The following CRHR2 variants were observed in gnomAD, a reference collection of about 807,000 sequenced individuals.
CRHR2 encodes the protein corticotropin-releasing hormone receptor 2.
A neutral mutation model predicts 57.9 loss-of-function variants in CRHR2; 53 were observed. That is an observed-to-expected ratio of 0.92 (90% CI 0.73 to 1.15). The LOEUF is 1.15. CRHR2 is among the 50% of genes most tolerant of loss of function. CRHR2 has a pLI of 0.00. For synonymous variants in CRHR2, 213 were observed against 220.9 expected (o/e 0.96, Z 0.32); for missense variants, 532 against 542.6 (o/e 0.98, Z 0.19).
intron 6 of CRHR2, among the ~76,000 whole-genome samples, chr7:30,662,464 C>A (rs1784042481): frequency 6.6e-6 from 1 of 152,308 alleles, no homozygotes; most frequent in East Asian, 1.9e-4. Flanking sequence ...GAGACAAAGG[C>A]CTTTGGACAG....
chr7:30,689,384 T>C, intron 1 of CRHR2: 5 of 960,716 alleles, frequency 5.2e-6, no homozygotes, highest in Admixed American at 2.0e-5. Context: ...CCCTTACTCC[T>C]CTTAGTACAG....
Position 30,665,488 on chromosome 7 carries a change from G to A in CRHR2, c.425+42C>T, listed in dbSNP as rs555338735. ...GGGAGAGGTGAAGGGGGTGCTGTAG[G>A]GGGAGGGATGAGGAGAAAGCAAGGC... is the stretch of plus-strand genomic sequence containing the variant. On this transcript the variant is annotated intron_variant, in intron 4 of 11. Coordinates refer to ENST00000471646, the MANE Select transcript of CRHR2 (RefSeq NM_001883.5). The surrounding 1 kb of genome is among the most constrained non-coding windows in gnomAD (Gnocchi z 4.5). The A allele has an allele frequency of 6.8e-7, 1 of 1,462,372 alleles. No individual in the cohort carries two copies. Among genetic ancestry groups the A allele is most frequent in the East Asian group, 2.5e-5 (1 of 40,460 alleles). 90.6% of individuals were successfully genotyped at this position (1,462,372 alleles called of 1,614,324 possible).
chr7:30,691,110 C>T (rs1784953884), intron 1 of CRHR2, among the ~76,000 whole-genome samples: 1 of 152,178 alleles, frequency 6.6e-6, no homozygotes, highest in South Asian at 2.1e-4. Flanking sequence ...GGGGAGGGAA[C>T]ACTCCAGACA....
chr7:30,697,007 T>TAG (rs1785069516), intron 1 of CRHR2, among the ~76,000 whole-genome samples: 1 of 152,156 alleles, frequency 6.6e-6, no homozygotes, highest in African/African-American at 2.4e-5. Flanking sequence ...CTAGTGAGGC[T>TAG]AGAAAACGCT....
chr7:30,682,628 C>T (rs1332391247), upstream of CRHR2: 9 of 551,304 alleles, frequency 1.6e-5, no homozygotes, highest in Non-Finnish European at 2.2e-5. Flanking sequence ...CAGTTCGCAG[C>T]TCTCTTCCAC....
chr7:30,660,775 G>T, intron 7 of CRHR2, 130 bp from the exon 8 acceptor site: 1 of 864,504 alleles, frequency 1.2e-6, no homozygotes, highest in Non-Finnish European at 1.8e-6. Flanking sequence ...TTCCCAGAAA[G>T]CCTTGGTGGA....
intron 1 of CRHR2, among the ~76,000 whole-genome samples, chr7:30,696,178 CA>C (rs58598488): frequency 2.7e-5 from 4 of 148,538 alleles, no homozygotes; most frequent in Admixed American, 6.7e-5. Context: ...TAACAGGTAC[CA>C]AAAAAAAATA....
intron 7 of CRHR2, among the ~76,000 whole-genome samples, chr7:30,661,682 A>C (rs1407508075): frequency 6.6e-6 from 1 of 152,080 alleles, no homozygotes; most frequent in African/African-American, 2.4e-5. Flanking sequence ...GTGGCTCAGC[A>C]TATTACAGCC....
intron 2 of CRHR2, among the ~76,000 whole-genome samples, chr7:30,677,668 C>T (rs1374162758): frequency 6.6e-6 from 1 of 152,192 alleles, no homozygotes; most frequent in Non-Finnish European, 1.5e-5. Flanking sequence ...TGGGGCTCCA[C>T]ATATTCCCCC....
At chr7:30,687,675 TGGA>T (rs1320805976) in intron 2 of CRHR2, among the ~76,000 whole-genome samples, 3 of 152,170 alleles carry the variant, frequency 2.0e-5, no homozygotes, top group African/African-American at 7.2e-5. Context: ...GCTGTATGTT[TGGA>T]GAAGCTGGGA....
At chr7:30,660,977 C>T (rs1783974658) in intron 7 of CRHR2, among the ~76,000 whole-genome samples, 1 of 152,240 alleles carries the variant, frequency 6.6e-6, no homozygotes, top group African/African-American at 2.4e-5. Context: ...AGCTGGGCTC[C>T]CCCTTGCTGG....
At chr7:30,695,546 G>A (rs967571694) in intron 1 of CRHR2, among the ~76,000 whole-genome samples, 4 of 152,088 alleles carry the variant, frequency 2.6e-5, no homozygotes, top group African/African-American at 9.7e-5. Flanking sequence ...GTAGGAGGGG[G>A]AAGGGGAGGG....
Position 30,682,331 on chromosome 7 carries a change from G to T in CRHR2, c.-51C>A, listed in dbSNP as rs779506809. 1.0e-5 allele frequency: 15 copies of T among 1,485,960 alleles called. No homozygotes were observed. In the South Asian group the frequency reaches 1.7e-4, roughly 17 times the overall value. The allele number at this position is 1,485,960 out of a possible 1,614,324, so 92.0% of individuals were successfully genotyped here. ...GGGAGTGGGAGTGCGCGCCCGGCGT[G>T]ACTGCGAGGGAGTGGACGCGAGAGT... is the stretch of plus-strand genomic sequence containing the variant. On this transcript the variant is annotated 5_prime_UTR_variant, in exon 1 of 12. Transcript: ENST00000471646.
chr7:30,671,375 G>A (rs1784346410), intron 2 of CRHR2, among the ~76,000 whole-genome samples: 1 of 152,156 alleles, frequency 6.6e-6, no homozygotes, highest in African/African-American at 2.4e-5. Flanking sequence ...GGGACCATGA[G>A]GGACTACTTT....
chr7:30,689,039 C>T (rs1352126501), intron 2 of CRHR2: 3 of 726,214 alleles, frequency 4.1e-6, no homozygotes, highest in Non-Finnish European at 7.3e-6. Flanking sequence ...CGTAAGGGCC[C>T]TCAGCAAGGC....
chr7:30,677,590 G>A (rs186798171), intron 2 of CRHR2, among the ~76,000 whole-genome samples: 8 of 152,260 alleles, frequency 5.3e-5, no homozygotes, highest in South Asian at 2.1e-4. Flanking sequence ...CTACCTCCCC[G>A]CCTAGAGCTA....
At chr7:30,654,774 G>C in intron 11 of CRHR2, 1 of 1,536,634 alleles carries the variant, frequency 6.5e-7, no homozygotes, top group Non-Finnish European at 8.7e-7. Flanking sequence ...TCTTCCATGA[G>C]GCCCTGCGGC....
chr7:30,680,057 C>T (rs1441240684), intron 2 of CRHR2, among the ~76,000 whole-genome samples: 1 of 152,220 alleles, frequency 6.6e-6, no homozygotes, highest in Non-Finnish European at 1.5e-5. Context: ...GTGCCCCAAC[C>T]TTTTATCAGC....
intron 9 of CRHR2, 61 bp downstream of exon 9, chr7:30,655,866 G>A: frequency 6.2e-7 from 1 of 1,602,040 alleles, no homozygotes; most frequent in Non-Finnish European, 8.5e-7. Flanking sequence ...CAGGAAGCAG[G>A]GGGACGGCCC....
Sources: gnomAD v4.1 joint callset for allele counts (sites outside exome capture counted in the v4.1 genomes callset) on GRCh38, gnomAD v4.1.1 for gene constraint, Gnocchi (gnomAD v3.1) non-coding constraint, MANE v1.5 for transcripts, NCBI Gene and HGNC (gene_info 2026-07-23, HGNC 2026-07-21) for gene names.